Variants in DHX8 observed in about 807,000 individuals in gnomAD.
DHX8 encodes the protein DEAH-box helicase 8.
DHX8 carries 67 observed loss-of-function variants against 140.7 expected under a neutral mutation model. The observed-to-expected ratio is 0.48, with a 90% CI of 0.39 to 0.58. The LOEUF is 0.58. DHX8 is among the 20% of genes least tolerant of loss of function. The pLI, the probability that DHX8 is intolerant of heterozygous loss-of-function variation, is 0.00. For synonymous variants in DHX8, 533 were observed against 553.2 expected, an observed-to-expected ratio of 0.96 and a Z score of 0.51; for missense variants, 887 against 1,550.7, an observed-to-expected ratio of 0.57 and a Z score of 7.19.
Position 43,524,277 on chromosome 17 carries a change from T to G in DHX8, c.*430T>G, listed in dbSNP as rs1970523616. The G allele has an allele frequency of 9.9e-7, 1 of 1,011,190 alleles. No individual in the cohort carries two copies. Among genetic ancestry groups the G allele is most frequent in the African/African-American group, 1.7e-5 (1 of 57,896 alleles). The allele number at this position is 1,011,190 out of a possible 1,614,324, so 62.6% of individuals were successfully genotyped here. On this transcript the variant is annotated 3_prime_UTR_variant, in exon 23 of 23. Transcript: ENST00000262415. ...CACCCCGTCTCCAGCCCCTGTACTT[T>G]GGCTTGACCTCGTGGAAATATTTAT...
rs1383967120 is a variant in DHX8 at position 43,524,562 on chromosome 17, CCTCTCCACAGAGCA to C, written c.*718_*731del. ...GGGATCACCCGATGATCAACCATGT[CCTCTCCACAGAGCA>C]CTTCAGTCTGGAGGCCTGAGTGGCT... On this transcript the variant is annotated 3_prime_UTR_variant, in exon 23 of 23. Coordinates refer to ENST00000262415, the MANE Select transcript of DHX8 (RefSeq NM_004941.3). 5.1e-6 allele frequency: 5 copies of C among 985,948 alleles called. No individual in the cohort carries two copies. In the East Asian group the frequency reaches 5.7e-4, roughly 112 times the overall value. The allele number at this position is 985,948 out of a possible 1,614,324, so 61.1% of individuals were successfully genotyped here. A position where few individuals can be genotyped will look rare whatever the true frequency, so the allele number is the denominator to read the frequency against.
chr17:43,507,602 G>A lies in DHX8; in HGVS notation c.2023G>A (p.Asp675Asn). Residue 675 changes from aspartate to asparagine, a missense_variant, in exon 14 of 23, where the codon GAC (aspartate) becomes AAC (asparagine). Asp to Asn is a conservative substitution (Grantham distance 23, BLOSUM62 1). Coordinates refer to ENST00000262415, the MANE Select transcript of DHX8 (RefSeq NM_004941.3). ...MLLRECLIDP[D>N]LTQYAIIMLD... is the part of the protein sequence containing the mutation. ...GCTTAGAGAGTGCTTGATTGACCCT[G>A]ACCTCACTCAGTACGCGATCATCAT... 3 of 1,614,124 alleles carry A rather than the reference G, an allele frequency of 1.9e-6. No individual in the cohort carries two copies. Among genetic ancestry groups the A allele is most frequent in the Non-Finnish European group, 2.5e-6 (3 of 1,180,020 alleles).
At chr17:43,543,824 AAT>A (rs1365220234) in intron 3 of DHX8, 4 of 152,200 alleles carry the variant, frequency 2.6e-5, no homozygotes, top group African/African-American at 9.7e-5. Context: ...CTCTATGCTA[AAT>A]AGTCATTCTG....
chr17:43,506,881 T>G, intron 12 of DHX8, 122 bp from the exon 13 acceptor site: 1 of 683,294 alleles, frequency 1.5e-6, no homozygotes, highest in Non-Finnish European at 2.3e-6. Flanking sequence ...GGTGTTAGAA[T>G]ATAGTAATTA....
Position 43,492,921 on chromosome 17 carries a change from A to G in DHX8, c.744A>G (p.Arg248=), listed in dbSNP as rs778663785. The G allele has an allele frequency of 1.2e-5, 20 of 1,614,110 alleles. No homozygotes were observed. In the South Asian group the frequency reaches 1.4e-4, roughly 12 times the overall value. Residue 248 remains arginine, a synonymous_variant, in exon 6 of 23, where the codon AGA becomes AGG. Coordinates refer to ENST00000262415, the MANE Select transcript of DHX8 (RefSeq NM_004941.3). ...RDKYGERNLD[R]WRDKHVDRPP... is the part of the protein sequence containing the mutation. ...AATATGGAGAGCGGAATCTGGATAG[A>G]TGGCGGGATAAGCATGTGGACCGCC...
chr17:43,522,319 C>T, intron 22 of DHX8, 93 bp downstream of exon 22: 3 of 1,273,076 alleles, frequency 2.4e-6, no homozygotes, highest in South Asian at 1.5e-5. Context: ...TTCACTACTC[C>T]CAGTATGTCC....
In DHX8 at chr17:43,507,492, T is replaced by C. The variant is rs1364546283; in HGVS notation, c.1924-11T>C. On this transcript the variant is annotated splice_polypyrimidine_tract_variant and intron_variant, in intron 13 of 22. Coordinates refer to ENST00000262415, the MANE Select transcript of DHX8 (RefSeq NM_004941.3). ...TTGTATCCTAGGTTTTCCCCTTCTC[T>C]TCTGCTTTAGGTGGGCTACACCATT... The C allele has an allele frequency of 1.9e-6, 3 of 1,604,354 alleles. No homozygotes were observed. The highest frequency in any genetic ancestry group is 1.7e-6 in the Non-Finnish European group (2 of 1,172,914).
downstream of DHX8, chr17:43,530,059 C>G (rs754971634): frequency 5.0e-6 from 8 of 1,611,774 alleles, no homozygotes; most frequent in Non-Finnish European, 6.8e-6. Flanking sequence ...TGGCAGCGCT[C>G]CCTCCCCCAA....
At chr17:43,499,900 C>A in intron 10 of DHX8, 56 bp from the exon 11 acceptor site, 1 of 1,596,250 alleles carries the variant, frequency 6.3e-7, no homozygotes, top group Non-Finnish European at 8.6e-7. Context: ...AGCTTAACTT[C>A]TACATATTAT....
At chr17:43,534,307 T>C (rs1474208527) in intron 2 of DHX8, among the ~76,000 whole-genome samples, 2 of 151,134 alleles carry the variant, frequency 1.3e-5, no homozygotes, top group East Asian at 3.9e-4. Flanking sequence ...CTGGCCAACA[T>C]GGTGAAACCC....
chr17:43,508,200 A>T, intron 15 of DHX8, 139 bp from the exon 16 acceptor site: 1 of 1,262,446 alleles, frequency 7.9e-7, no homozygotes, highest in South Asian at 1.5e-5. Flanking sequence ...TATATAAACA[A>T]ACTTGTATTG....
At chr17:43,510,503 G>A (rs1429759371) in intron 16 of DHX8, among the ~76,000 whole-genome samples, 1 of 152,186 alleles carries the variant, frequency 6.6e-6, no homozygotes, top group Non-Finnish European at 1.5e-5. Context: ...ACATCTTCCT[G>A]TGTGATACTT....
chr17:43,533,045 G>A (rs1971031987), intron 2 of DHX8: 1 of 1,492,654 alleles, frequency 6.7e-7, no homozygotes, highest in East Asian at 2.3e-5. Flanking sequence ...TGGGGGGTAG[G>A]GGGTTGGGGT....
At chr17:43,527,430 G>A (rs1970649856), downstream of DHX8, among the ~76,000 whole-genome samples, 1 of 152,214 alleles carries the variant, frequency 6.6e-6, no homozygotes, top group South Asian at 2.1e-4. Flanking sequence ...TGGGACAGCA[G>A]GGTCATGGGA....
In DHX8 at chr17:43,500,084, G is replaced by A; in HGVS notation, c.1527G>A (p.Trp509Ter). 3 of 1,614,022 alleles carry A rather than the reference G, an allele frequency of 1.9e-6. No individual in the cohort carries two copies. The highest frequency in any genetic ancestry group is 2.5e-6 in the Non-Finnish European group (3 of 1,179,976). ...TTCCCATGGGACTCAACAAACACTG[G>A]GTTGACCCTCTGCCTGATGGTAGGA... ...DSIPMGLNKH[W>*]VDPLPDAEGR... Residue 509 changes from tryptophan (W) to a stop codon, truncating the protein, a stop_gained, in exon 11 of 23, where the codon TGG becomes TGA. Coordinates refer to ENST00000262415, the MANE Select transcript of DHX8 (RefSeq NM_004941.3). LOFTEE classifies it high-confidence loss of function.
chr17:43,502,440 T>G (rs749994981), intron 11 of DHX8, among the ~76,000 whole-genome samples: 3 of 152,180 alleles, frequency 2.0e-5, no homozygotes, highest in Non-Finnish European at 4.4e-5. Flanking sequence ...TAGTTTAGTT[T>G]TTGAGATGGA....
In DHX8 at chr17:43,493,757, G is replaced by T. The variant is rs1005917773; in HGVS notation, c.1083G>T (p.Glu361Asp). Residue 361 changes from glutamate to aspartate, a missense_variant, in exon 8 of 23, where the codon GAG (glutamate) becomes GAT (aspartate). Glu to Asp is a conservative substitution (Grantham distance 45, BLOSUM62 2). Coordinates refer to ENST00000262415, the MANE Select transcript of DHX8 (RefSeq NM_004941.3). The stretch of plus-strand genomic sequence containing the variant: ...ATCTTGTCGGGGAGACCAATGAGGA[G>T]ACCTCAATGCGGAATCCTGATAGAC... ...RRNLVGETNEETSMRNPDRPT... is the reference protein window; with the variant it reads ...RRNLVGETNEDTSMRNPDRPT... 5.6e-6 allele frequency: 9 copies of T among 1,614,064 alleles called. No homozygotes were observed. The Admixed American group carries it at 1.0e-4, about 18-fold the overall frequency.
At chr17:43,530,503 G>C (rs1970857281), downstream of DHX8, 1 of 1,155,968 alleles carries the variant, frequency 8.7e-7, no homozygotes, top group Non-Finnish European at 1.1e-6. Flanking sequence ...GAGGGAGGGT[G>C]AGATGAACGT....
At chr17:43,515,260 C>G (rs1970047113) in intron 17 of DHX8, among the ~76,000 whole-genome samples, 1 of 152,224 alleles carries the variant, frequency 6.6e-6, no homozygotes, top group African/African-American at 2.4e-5. Flanking sequence ...GCAATCTCAG[C>G]TCACTGCAAC....
Sources: allele counts gnomAD v4.1 joint callset (sites outside exome capture counted in the v4.1 genomes callset), GRCh38; gene constraint gnomAD v4.1.1; transcripts MANE v1.5; gene names NCBI Gene and HGNC (gene_info 2026-07-23, HGNC 2026-07-21).